The following NRXN1 variants were observed in gnomAD, a reference collection of about 807,000 sequenced individuals.
NRXN1 encodes neurexin-1.
Under a neutral mutation model 150.9 loss-of-function variants are expected in NRXN1, and 39 were observed. That is an observed-to-expected ratio of 0.26 (90% confidence interval 0.20 to 0.34). The LOEUF (loss-of-function observed/expected upper bound fraction) is 0.34. NRXN1 is among the 10% of genes least tolerant of loss of function. The pLI is 1.00. For synonymous variants in NRXN1, 924 were observed against 757.0 expected (o/e 1.22, Z -3.62); for missense variants, 1,815 against 1,949.9 (o/e 0.93, Z 1.30).
chr2:50,214,031 T>C (rs899370199), intron 18 of NRXN1, among the ~76,000 whole-genome samples: 3 of 152,000 alleles, frequency 2.0e-5, no homozygotes, highest in Non-Finnish European at 4.4e-5. Flanking sequence ...AGTTGTTGTT[T>C]ATTTTGTGCT....
chr2:50,250,434 TA>T (rs899461408), intron 17 of NRXN1, among the ~76,000 whole-genome samples: 19 of 120,634 alleles, frequency 1.6e-4, no homozygotes, highest in African/African-American at 4.7e-4. Context: ...CACTTTTTAA[TA>T]TTTTTTTTTT....
intron 5 of NRXN1, among the ~76,000 whole-genome samples, chr2:50,738,261 C>T (rs1174800549): frequency 6.6e-6 from 1 of 152,182 alleles, no homozygotes; most frequent in African/African-American, 2.4e-5. Context: ...ATTAATGACA[C>T]TGCATCATCA....
At chr2:50,590,442 C>T (rs1047067531) in intron 8 of NRXN1, among the ~76,000 whole-genome samples, 7 of 152,170 alleles carry the variant, frequency 4.6e-5, no homozygotes, top group South Asian at 2.1e-4. Flanking sequence ...ACAGCTTTTC[C>T]CATGACCTTA....
At chr2:50,131,495 C>T (rs1231192993) in intron 18 of NRXN1, among the ~76,000 whole-genome samples, 4 of 152,146 alleles carry the variant, frequency 2.6e-5, no homozygotes, top group African/African-American at 9.7e-5. Context: ...GCGAATGACT[C>T]TTCCAGAGGA....
chr2:50,258,560 T>C (rs577489746), intron 17 of NRXN1, among the ~76,000 whole-genome samples: 2 of 152,124 alleles, frequency 1.3e-5, no homozygotes, highest in East Asian at 1.9e-4. Context: ...CAAAGTCATC[T>C]ATGAAGGTTG....
intron 2 of NRXN1, among the ~76,000 whole-genome samples, chr2:50,993,434 T>A (rs1698838454): frequency 1.3e-5 from 2 of 151,916 alleles, no homozygotes; most frequent in African/African-American, 4.8e-5. Context: ...ATATTTTTCT[T>A]TTATGTTTCT....
chr2:50,043,240 C>T (rs1191073856), intron 21 of NRXN1, among the ~76,000 whole-genome samples: 1 of 152,134 alleles, frequency 6.6e-6, no homozygotes, highest in African/African-American at 2.4e-5. Context: ...TGGAAAACTC[C>T]AGTCACAAAA....
intron 15 of NRXN1, among the ~76,000 whole-genome samples, chr2:50,475,887 T>A (rs961812836): frequency 4.4e-4 from 62 of 139,470 alleles, no homozygotes; most frequent in African/African-American, 1.6e-3. Context: ...AAAAAAAAAA[T>A]GACCCATTAG....
rs956913264 is a variant in NRXN1, at chr2:49,919,019, G to A, written c.*2925C>T. ...AATCACACAAAGCACTAGAAGGGTA[G>A]GGTTATGTGGCCTTTCTTTGATGTC... On this transcript the variant is annotated 3_prime_UTR_variant, in exon 23 of 23. Transcript: ENST00000401669. 4 of 152,088 alleles carry A rather than the reference G, an allele frequency of 2.6e-5. No homozygotes were observed. Among genetic ancestry groups the A allele is most frequent in the African/African-American group, 9.7e-5 (4 of 41,440 alleles). The allele number at this position is 152,088 out of a possible 1,614,324, so 9.4% of individuals were successfully genotyped here. A position where few individuals can be genotyped will look rare whatever the true frequency, so the allele number is the denominator to read the frequency against.
chr2:50,236,857 G>C lies in NRXN1; in HGVS notation c.3478C>G (p.Gln1160Glu). 2 of 1,613,284 alleles carry C rather than the reference G, an allele frequency of 1.2e-6. No homozygotes were observed. The highest frequency in any genetic ancestry group is 8.5e-7 in the Non-Finnish European group (1 of 1,179,624). Residue 1160 changes from glutamine (Q) to glutamate (E), a missense_variant, in exon 18 of 23, where the codon CAG (glutamine) becomes GAG (glutamate). By Grantham distance (29) the Gln-to-Glu change is conservative (BLOSUM62 2). Around this residue, in one of 6 missense-constraint regions of NRXN1, gnomAD observed 339 missense variants for 440.3 expected, o/e 0.77. Transcript: ENST00000401669. The stretch of plus-strand genomic sequence containing the variant: ...ACTCGCACCAATACGGCTTCTTTCT[G>C]AACAGTGCTAAAACCTATGGCCAGT... ...DRLAIGFSTV[Q>E]KEAVLVRVDS...
At chr2:50,189,978 A>G (rs1185146111) in intron 18 of NRXN1, among the ~76,000 whole-genome samples, 2 of 152,176 alleles carry the variant, frequency 1.3e-5, no homozygotes, top group Non-Finnish European at 2.9e-5. Context: ...ATCATCTTGA[A>G]TGAAGTGGTA....
chr2:51,028,340 G>T lies in NRXN1; in HGVS notation c.-67C>A. ...GGGTCAAAATGGTCCTGGACACCGT[G>T]ACGAAGAAATAAGGGTCCCGAGAGA... On this transcript the variant is annotated 5_prime_UTR_variant, in exon 2 of 23. Transcript: ENST00000401669. 1 of 1,117,994 alleles carries T rather than the reference G, an allele frequency of 8.9e-7. No individual in the cohort carries two copies. The allele number at this position is 1,117,994 out of a possible 1,614,324, so 69.3% of individuals were successfully genotyped here.
intron 19 of NRXN1, among the ~76,000 whole-genome samples, 168 bp from the exon 20 acceptor site, chr2:50,055,212 T>G (rs1180502646): frequency 6.6e-6 from 1 of 152,216 alleles, no homozygotes; most frequent in Non-Finnish European, 1.5e-5. Flanking sequence ...ATTCATTCAT[T>G]TATTTTATTT....
At chr2:50,445,652 A>G (rs2086336013) in intron 17 of NRXN1, among the ~76,000 whole-genome samples, 2 of 152,202 alleles carry the variant, frequency 1.3e-5, no homozygotes, top group Non-Finnish European at 2.9e-5. Flanking sequence ...ACTTATCCCT[A>G]TACTCTGCAC....
Position 50,829,433 on chromosome 2 carries a change from A to T in NRXN1, c.832+92436T>A, listed in dbSNP as rs931977845. On this transcript the variant is annotated intron_variant, in intron 5 of 22. Coordinates refer to ENST00000401669, the MANE Select transcript of NRXN1 (RefSeq NM_001330078.2). ...ATGAGCCACTGTGCCCGGCTAACTC[A>T]GGATTTTTCCCTTTGCTGATGTAGC... The T allele has an allele frequency of 4.7e-6, 7 of 1,500,492 alleles. No individual in the cohort carries two copies. In the African/African-American group the frequency reaches 9.7e-5, roughly 21 times the overall value. 92.9% of individuals were successfully genotyped at this position (1,500,492 alleles called of 1,614,324 possible).
intron 18 of NRXN1, among the ~76,000 whole-genome samples, chr2:50,129,142 A>C (rs915537686): frequency 6.6e-6 from 1 of 152,146 alleles, no homozygotes; most frequent in African/African-American, 2.4e-5. Flanking sequence ...ACACAAACAA[A>C]CAAGAGAAAT....
chr2:50,939,181 A>C (rs1689003047), intron 2 of NRXN1, among the ~76,000 whole-genome samples: 3 of 138,948 alleles, frequency 2.2e-5, no homozygotes, highest in African/African-American at 8.3e-5. Flanking sequence ...ACTGCACTCT[A>C]GCCTGGGCAA....
At chr2:50,340,859 A>G (rs1039316271) in intron 17 of NRXN1, among the ~76,000 whole-genome samples, 2 of 152,230 alleles carry the variant, frequency 1.3e-5, no homozygotes, top group Non-Finnish European at 2.9e-5. Context: ...CACACACTGT[A>G]GCATAAATGA....
intron 8 of NRXN1, among the ~76,000 whole-genome samples, chr2:50,600,967 T>C (rs1439589468): frequency 1.3e-5 from 2 of 152,030 alleles, no homozygotes; most frequent in African/African-American, 4.8e-5. Context: ...AAAAAAGAAG[T>C]ATTGGGTTAT....
Sources: gnomAD v4.1 joint callset for allele counts (sites outside exome capture counted in the v4.1 genomes callset) on GRCh38, gnomAD v4.1.1 for gene constraint, gnomAD v4.1.1 regional missense constraint, MANE v1.5 for transcripts, NCBI Gene and HGNC (gene_info 2026-07-23, HGNC 2026-07-21) for gene names.